Variants in RPS6KC1 observed in about 807,000 individuals in gnomAD.
RPS6KC1 encodes inactive ribosomal protein S6 kinase delta-1.
In RPS6KC1, 54 loss-of-function variants were observed where a neutral mutation model predicts 103.8. The observed-to-expected ratio is 0.52, with a 90% CI of 0.42 to 0.65. The LOEUF is 0.65. Among genes scored for constraint, RPS6KC1 ranks in the 30% least tolerant of loss-of-function variants. The pLI is 0.00. For missense variants in RPS6KC1, 1,151 were observed against 1,253.8 expected, an observed-to-expected ratio of 0.92 and a Z score of 1.24; for synonymous variants, 439 against 438.7, an observed-to-expected ratio of 1.00 and a Z score of -0.01.
At chr1:213,200,811 A>C (rs187604961) in intron 8 of RPS6KC1, among the ~76,000 whole-genome samples, 1 of 152,176 alleles carries the variant, frequency 6.6e-6, no homozygotes, top group African/African-American at 2.4e-5. Context: ...TGGGCAAAGG[A>C]CATGAACAGA....
the RPS6KC1 span, among the ~76,000 whole-genome samples, chr1:213,580,405 C>T: frequency 2.0e-5 from 3 of 152,028 alleles, no homozygotes; most frequent in Non-Finnish European, 4.4e-5. Flanking sequence ...GAGATGGAAT[C>T]TACTCCTGGT....
chr1:213,529,746 A>G, the RPS6KC1 span, among the ~76,000 whole-genome samples: 1 of 152,166 alleles, frequency 6.6e-6, no homozygotes, highest in African/African-American at 2.4e-5. Flanking sequence ...AAGCTTCATG[A>G]GAGTCAGGAC....
the RPS6KC1 span, among the ~76,000 whole-genome samples, chr1:213,331,714 G>GGAGGCCATGACTGTGTGTAAAA: frequency 2.0e-5 from 3 of 152,312 alleles, no homozygotes; most frequent in South Asian, 6.2e-4. Flanking sequence ...TAGTTTTGAA[G>GGAGGCCATGACTGTGTGTAAAA]GAGGCCATGA....
the RPS6KC1 span, among the ~76,000 whole-genome samples, chr1:213,476,226 A>G: frequency 6.6e-6 from 1 of 152,108 alleles, no homozygotes; most frequent in East Asian, 1.9e-4. Flanking sequence ...GAGGATCTTG[A>G]CTGGGCTTGG....
intron 5 of RPS6KC1, among the ~76,000 whole-genome samples, chr1:213,127,345 A>T (rs1017132207): frequency 1.1e-4 from 17 of 152,214 alleles, no homozygotes; most frequent in Admixed American, 1.1e-3. Context: ...TATAAAACCA[A>T]TGCTAATTTT....
At chr1:213,653,931 C>G in the RPS6KC1 span, among the ~76,000 whole-genome samples, 2 of 152,198 alleles carry the variant, frequency 1.3e-5, no homozygotes, top group Non-Finnish European at 2.9e-5. Context: ...TAGCATACCT[C>G]CCATTGTCAC....
the RPS6KC1 span, among the ~76,000 whole-genome samples, chr1:213,294,900 A>AGGCAT: frequency 3.9e-5 from 6 of 152,142 alleles, no homozygotes; most frequent in Non-Finnish European, 8.8e-5. Context: ...ATCTTTTTGA[A>AGGCAT]GGCATTGGTT....
At chr1:213,110,914 A>T (rs952643753) in intron 4 of RPS6KC1, among the ~76,000 whole-genome samples, 1 of 149,786 alleles carries the variant, frequency 6.7e-6, no homozygotes, top group East Asian at 1.9e-4. Context: ...TGGCCCTGAG[A>T]TTGCTACTAT....
chr1:213,461,234 AG>A, the RPS6KC1 span, among the ~76,000 whole-genome samples: 1 of 152,234 alleles, frequency 6.6e-6, no homozygotes, highest in Admixed American at 6.5e-5. Flanking sequence ...AGGGATGTGA[AG>A]GACCTCTTCA....
intron 2 of RPS6KC1, among the ~76,000 whole-genome samples, chr1:213,073,760 C>T (rs1373795946): frequency 1.3e-5 from 2 of 152,110 alleles, no homozygotes; most frequent in East Asian, 1.9e-4. Context: ...ACTGCAACCT[C>T]GGCCTCCCGG....
the RPS6KC1 span, among the ~76,000 whole-genome samples, chr1:213,516,293 TC>T: frequency 8.7e-4 from 133 of 152,316 alleles, no homozygotes; most frequent in Middle Eastern, 0.01. Context: ...AGAGAGGGCA[TC>T]CCTGTCTTGT....
the RPS6KC1 span, among the ~76,000 whole-genome samples, chr1:213,292,719 G>A: frequency 6.6e-6 from 1 of 152,174 alleles, no homozygotes; most frequent in Non-Finnish European, 1.5e-5. Context: ...AAGTGGAATA[G>A]AGGCGGTAGG....
chr1:213,533,108 C>T, the RPS6KC1 span, among the ~76,000 whole-genome samples: 1 of 152,036 alleles, frequency 6.6e-6, no homozygotes, highest in African/African-American at 2.4e-5. Flanking sequence ...CAGAGCTCTC[C>T]CTGAGAAATT....
chr1:213,636,622 G>C, the RPS6KC1 span, among the ~76,000 whole-genome samples: 1 of 152,124 alleles, frequency 6.6e-6, no homozygotes, highest in Non-Finnish European at 1.5e-5. Context: ...ATTCAAGATG[G>C]ATTAAAGACT....
the RPS6KC1 span, among the ~76,000 whole-genome samples, chr1:213,693,732 T>C: frequency 1.3e-5 from 2 of 152,232 alleles, no homozygotes; most frequent in Non-Finnish European, 1.5e-5. Flanking sequence ...AATACCTTTT[T>C]CGATGGCTAC....
chr1:213,274,612 G>A lies in RPS6KC1; in HGVS notation c.*1978G>A, dbSNP rs190710727. On this transcript the variant is annotated 3_prime_UTR_variant, in exon 15 of 15. Coordinates refer to ENST00000366960, the MANE Select transcript of RPS6KC1 (RefSeq NM_012424.6). ...TAATAAACACAGGATAAATAGCTTT[G>A]GGGTGATGAACCAGAGTCTGTTTTT... The A allele has an allele frequency of 6.6e-6, 1 of 152,130 alleles. No homozygotes were observed. The highest frequency in any genetic ancestry group is 6.5e-5 in the Admixed American group (1 of 15,270). 9.4% of individuals were successfully genotyped at this position (152,130 alleles called of 1,614,324 possible).
chr1:213,090,558 G>A (rs1450079167), intron 3 of RPS6KC1, among the ~76,000 whole-genome samples: 4 of 152,194 alleles, frequency 2.6e-5, no homozygotes, highest in South Asian at 4.1e-4. Context: ...AACAGGAAGA[G>A]TATAAATTCA....
At chr1:213,151,684 G>A (rs2088961183) in intron 6 of RPS6KC1, among the ~76,000 whole-genome samples, 1 of 99,832 alleles carries the variant, frequency 1.0e-5, no homozygotes, top group Non-Finnish European at 2.1e-5. Flanking sequence ...CCGGGCAGAC[G>A]CGCCCCTCAC....
chr1:213,123,204 A>C (rs1331110123), intron 5 of RPS6KC1, among the ~76,000 whole-genome samples: 1 of 152,142 alleles, frequency 6.6e-6, no homozygotes, highest in African/African-American at 2.4e-5. Context: ...GGGAGAAGAC[A>C]TATTTGGTAT....
Sources: gnomAD v4.1 joint callset for allele counts (sites outside exome capture counted in the v4.1 genomes callset) on GRCh38, gnomAD v4.1.1 for gene constraint, MANE v1.5 for transcripts, NCBI Gene and HGNC (gene_info 2026-07-23, HGNC 2026-07-21) for gene names.